The following TRRAP variants were observed in gnomAD, a reference collection of about 807,000 sequenced individuals.
TRRAP encodes the protein transformation/transcription domain-associated protein.
In TRRAP, 41 loss-of-function variants were observed where a neutral mutation model predicts 438.8. The ratio of observed to expected loss-of-function variants is 0.09; its 90% confidence interval spans 0.07 to 0.12. The LOEUF (loss-of-function observed/expected upper bound fraction) is 0.12. Ranked by LOEUF, TRRAP falls within the 10% of genes least tolerant of loss-of-function variation. The pLI is 1.00. For missense variants in TRRAP, 3,122 were observed against 5,055.1 expected (o/e 0.62, Z 11.60); for synonymous variants, 1,994 against 1,962.9 (o/e 1.02, Z -0.42).
chr7:98,982,282 C>T lies in TRRAP; in HGVS notation c.8826+322C>T, dbSNP rs539884757. ...CGCTCTGTTTTCAGCAAGCTTTTGG[C>T]GGGAGCTGGAGGGACAGGGTTAGGA... On this transcript the variant is annotated intron_variant, in intron 59 of 72. Coordinates refer to ENST00000456197, the MANE Select transcript of TRRAP (RefSeq NM_001375524.1). Among the ~76,000 whole-genome samples, 3 of 151,978 alleles carry T rather than the reference C, an allele frequency of 2.0e-5. No homozygotes were observed. In the South Asian group the frequency reaches 6.2e-4, roughly 32 times the overall value.
In TRRAP at chr7:98,937,767, G is replaced by C. The variant is rs923473712; in HGVS notation, c.4351G>C (p.Val1451Leu). Residue 1451 changes from valine (V) to leucine (L), a missense_variant, in exon 30 of 73, where the codon GTC becomes CTC. Physicochemically the swap from Val to Leu is conservative, Grantham distance 32. Around this residue, in one of 24 missense-constraint regions of TRRAP, gnomAD observed 108 missense variants for 256.9 expected, o/e 0.42. Transcript: ENST00000456197. ...TLNVVNRLTS[V>L]TRLFPNSFND... ...GAATGTTGTGAATCGCCTGACTTCGGTCACGAGGCTCTTCCCAAATTCCTT... is the reference window on the plus strand; with the variant it reads ...GAATGTTGTGAATCGCCTGACTTCGCTCACGAGGCTCTTCCCAAATTCCTT... 1 of 1,613,946 alleles carries C rather than the reference G, an allele frequency of 6.2e-7. No individual in the cohort carries two copies. Among genetic ancestry groups the C allele is most frequent in the African/African-American group, 1.3e-5 (1 of 75,026 alleles).
Position 99,011,498 on chromosome 7 carries a change from T to G in TRRAP, c.11300T>G (p.Ile3767Ser). The change falls in exon 72 of 73, where the codon ATT becomes AGT. Residue 3767 changes from isoleucine (I) to serine (S), a missense_variant. Coordinates refer to ENST00000456197, the MANE Select transcript of TRRAP (RefSeq NM_001375524.1). The surrounding 1 kb of genome is among the most constrained non-coding windows in gnomAD (Gnocchi z 7.1). ...TCCGGCCCGTTGACAGCGTCCATGA[T>G]TGCGGTCGCCCGGTGCTTCGCCCAG... ...GVSGPLTASMIAVARCFAQPN... is the reference protein window; with the variant it reads ...GVSGPLTASMSAVARCFAQPN... 6.2e-7 allele frequency: 1 copy of G among 1,614,236 alleles called. No individual in the cohort carries two copies. Among genetic ancestry groups the G allele is most frequent in the Non-Finnish European group, 8.5e-7 (1 of 1,180,044 alleles).
At chr7:98,966,602 T>C (rs1212683308) in intron 49 of TRRAP, among the ~76,000 whole-genome samples, 1 of 152,026 alleles carries the variant, frequency 6.6e-6, no homozygotes, top group Non-Finnish European at 1.5e-5. Context: ...AGAGAATCGC[T>C]TGAATCCAGG....
At chr7:98,949,355 T>A (rs1474749566) in intron 35 of TRRAP, 62 bp from the exon 36 acceptor site, 1 of 1,424,224 alleles carries the variant, frequency 7.0e-7, no homozygotes, top group Non-Finnish European at 9.2e-7. Flanking sequence ...AACATTCATA[T>A]CCTCTAACTT....
At chr7:98,883,489 G>A (rs1795555477) in intron 3 of TRRAP, among the ~76,000 whole-genome samples, 1 of 152,172 alleles carries the variant, frequency 6.6e-6, no homozygotes, top group African/African-American at 2.4e-5. Context: ...TCTATTGGCT[G>A]TGGGCCATGT....
intron 12 of TRRAP, among the ~76,000 whole-genome samples, chr7:98,904,254 C>T (rs1316387170): frequency 6.6e-6 from 1 of 151,838 alleles, no homozygotes; most frequent in Non-Finnish European, 1.5e-5. Flanking sequence ...GAGGCCGAGG[C>T]GAGCGGATCA....
chr7:98,917,359 G>C, intron 19 of TRRAP, 64 bp from the exon 20 acceptor site: 1 of 1,574,616 alleles, frequency 6.4e-7, no homozygotes, highest in Non-Finnish European at 8.6e-7. Context: ...TCTTTTGTGT[G>C]TTTCACCTGG....
intron 4 of TRRAP, among the ~76,000 whole-genome samples, chr7:98,891,413 C>G (rs1221362239): frequency 4.6e-5 from 7 of 151,526 alleles, no homozygotes; most frequent in Admixed American, 4.6e-4. Flanking sequence ...GTTGGCCAGG[C>G]TGGTCGTGAA....
Position 98,899,686 on chromosome 7 carries a change from A to G in TRRAP, c.719A>G (p.Lys240Arg). ...IIVVLMYQLY[K>R]LNIHNVVAEF... is the part of the protein sequence containing the mutation. ...TGGTATGTTTGCTTTTAGCTCTACAAACTGAACATCCACAATGTTGTTGCT... is the reference window on the plus strand; with the variant it reads ...TGGTATGTTTGCTTTTAGCTCTACAGACTGAACATCCACAATGTTGTTGCT... Residue 240 changes from lysine to arginine, a missense_variant, in exon 10 of 73, where the codon AAA becomes AGA. Lys to Arg is a conservative substitution (Grantham distance 26). This residue lies in a region of TRRAP where 343 missense variants were observed against 564.0 expected (regional missense o/e 0.61). Transcript: ENST00000456197. 6.2e-7 allele frequency: 1 copy of G among 1,614,216 alleles called. No homozygotes were observed. The highest frequency in any genetic ancestry group is 8.5e-7 in the Non-Finnish European group (1 of 1,180,030).
chr7:98,974,645 A>G (rs1792570401), intron 53 of TRRAP, among the ~76,000 whole-genome samples: 1 of 152,204 alleles, frequency 6.6e-6, no homozygotes, highest in Admixed American at 6.5e-5. Context: ...GAAATCCCTA[A>G]AGATCAAAAT....
rs6967096 is a variant in TRRAP at position 98,925,270 on chromosome 7, C to T, written c.2975+7C>T. 51,071 of 1,612,560 alleles carry T rather than the reference C, an allele frequency of 0.032. 8,690 individuals carry two copies. In the African/African-American group the frequency reaches 0.47, roughly 15 times the overall value. ...AGCTCCTGGCACACCCCAAGTATGT[C>T]GGCCACTTCCTTCTGTGTGGTTGGG... On this transcript the variant is annotated splice_region_variant and intron_variant, in intron 22 of 72. Transcript: ENST00000456197.
chr7:98,898,165 T>A lies in TRRAP; in HGVS notation c.633+299T>A, dbSNP rs113256976. ...TCCCTTAGCTTTGAGTCTTTTGACA[T>A]TAATAAAGTCCCTTAAACTATAGAT... On this transcript the variant is annotated intron_variant, in intron 8 of 72. Transcript: ENST00000456197. Among the ~76,000 whole-genome samples, 1,308 of 152,272 alleles carry A rather than the reference T, an allele frequency of 8.6e-3. 24 individuals are homozygous for A. Among genetic ancestry groups the A allele is most frequent in the African/African-American group, 0.029 (1,201 of 41,554 alleles).
At chr7:98,958,271 A>G (rs1276735843) in intron 44 of TRRAP, among the ~76,000 whole-genome samples, 180 bp downstream of exon 44, 1 of 152,096 alleles carries the variant, frequency 6.6e-6, no homozygotes, top group Non-Finnish European at 1.5e-5. Context: ...AACATTTCCA[A>G]AATCTACCTG....
intron 41 of TRRAP, among the ~76,000 whole-genome samples, chr7:98,955,694 A>G (rs1791568892): frequency 6.6e-6 from 1 of 152,094 alleles, no homozygotes; most frequent in South Asian, 2.1e-4. Flanking sequence ...TTTTTGTGGG[A>G]TTTATTTATA....
Position 98,945,813 on chromosome 7 carries a change from TATTA to T in TRRAP, c.4527+15_4527+18del, listed in dbSNP as rs1791028643. The T allele has an allele frequency of 3.1e-6, 5 of 1,597,578 alleles. No individual in the cohort carries two copies. In the East Asian group the frequency reaches 1.1e-4, roughly 36 times the overall value. On this transcript the variant is annotated intron_variant, in intron 32 of 72. Coordinates refer to ENST00000456197, the MANE Select transcript of TRRAP (RefSeq NM_001375524.1). The stretch of plus-strand genomic sequence containing the variant: ...CTGTCAGTTTGAGGTGAGAACAACC[TATTA>T]ACAGTCAGTTTCTGACTTGCAATGT...
intron 19 of TRRAP, among the ~76,000 whole-genome samples, chr7:98,916,836 G>A (rs1789540084): frequency 6.6e-6 from 1 of 152,108 alleles, no homozygotes; most frequent in Admixed American, 6.6e-5. Context: ...TGCCCCGTGA[G>A]GCCATCCCTG....
chr7:98,929,913 TCA>T (rs1790243707), intron 23 of TRRAP, 74 bp from the exon 24 acceptor site: 1 of 1,508,288 alleles, frequency 6.6e-7, no homozygotes, highest in East Asian at 2.3e-5. Flanking sequence ...GTTTCTAACT[TCA>T]AGGAAAACAT....
chr7:98,978,966 T>A, intron 58 of TRRAP, 62 bp downstream of exon 58: 1 of 1,599,778 alleles, frequency 6.3e-7, no homozygotes, highest in Non-Finnish European at 8.5e-7. Flanking sequence ...GCTGCAGGTG[T>A]CTCTTGGGAG....
At chr7:99,009,252 T>A (rs2116876946) in intron 70 of TRRAP, among the ~76,000 whole-genome samples, 1 of 152,198 alleles carries the variant, frequency 6.6e-6, no homozygotes, top group African/African-American at 2.4e-5. Flanking sequence ...TTTTGGCCTC[T>A]CCCTGGGTGC....
Sources: allele counts gnomAD v4.1 joint callset (sites outside exome capture counted in the v4.1 genomes callset), GRCh38; gene constraint gnomAD v4.1.1; regional missense constraint gnomAD v4.1.1; non-coding constraint Gnocchi (gnomAD v3.1); transcripts MANE v1.5; gene names NCBI Gene and HGNC (gene_info 2026-07-23, HGNC 2026-07-21).